The following PDXK variants were observed in gnomAD, a reference collection of about 807,000 sequenced individuals.
The protein encoded by PDXK is pyridoxal kinase, also known as epididymis secretory sperm binding protein Li 1a.
In PDXK, 15 loss-of-function variants were observed where a neutral mutation model predicts 43.2. The ratio of observed to expected loss-of-function variants is 0.35; its 90% CI spans 0.23 to 0.53. The LOEUF (loss-of-function observed/expected upper bound fraction) is 0.53. Ranked by LOEUF, PDXK falls within the 20% of genes least tolerant of loss-of-function variation. PDXK has a pLI of 0.92. For synonymous variants in PDXK, 172 were observed against 165.4 expected, an observed-to-expected ratio of 1.04 and a Z score of -0.31; for missense variants, 343 against 417.0, an observed-to-expected ratio of 0.82 and a Z score of 1.54.
intron 1 of PDXK, among the ~76,000 whole-genome samples, chr21:43,731,733 G>A (rs1332519526): frequency 6.6e-6 from 1 of 151,568 alleles, no homozygotes; most frequent in Non-Finnish European, 1.5e-5. Flanking sequence ...CTTGTGGGTG[G>A]GGAAAGATGA....
At chr21:43,722,621 G>T (rs185979437) in intron 1 of PDXK, among the ~76,000 whole-genome samples, 7 of 152,082 alleles carry the variant, frequency 4.6e-5, no homozygotes, top group Admixed American at 3.9e-4. Flanking sequence ...GCAGGGCCAT[G>T]CTCCCTCCAT....
chr21:43,744,703 C>T (rs558536519), intron 4 of PDXK: 1 of 152,360 alleles, frequency 6.6e-6, no homozygotes, highest in Non-Finnish European at 1.5e-5. Flanking sequence ...GTGGAAAACA[C>T]GTTGGTAGTT....
chr21:43,741,621 G>C, intron 2 of PDXK, 46 bp from the exon 3 acceptor site: 1 of 1,597,376 alleles, frequency 6.3e-7, no homozygotes, highest in Non-Finnish European at 8.6e-7. Flanking sequence ...CACGGCCCCA[G>C]CTGGCCCCCT....
At chr21:43,733,963 C>A in intron 1 of PDXK, 106 bp from the exon 2 acceptor site, 1 of 1,151,300 alleles carries the variant, frequency 8.7e-7, no homozygotes, top group Non-Finnish European at 1.3e-6. Context: ...GGCCCCGTGC[C>A]AGCCGGGACT....
At chr21:43,731,936 A>G (rs1206306217) in intron 1 of PDXK, among the ~76,000 whole-genome samples, 1 of 152,198 alleles carries the variant, frequency 6.6e-6, no homozygotes, top group African/African-American at 2.4e-5. Context: ...TAGAACCTGG[A>G]GCTGGGAAGG....
intron 2 of PDXK, among the ~76,000 whole-genome samples, chr21:43,736,635 T>G (rs1276353557): frequency 6.7e-6 from 1 of 148,810 alleles, no homozygotes; most frequent in Non-Finnish European, 1.5e-5. Flanking sequence ...TTCTGTTTTT[T>G]TTTTTTTTTT....
intron 7 of PDXK, among the ~76,000 whole-genome samples, chr21:43,752,226 C>T (rs1033402831): frequency 1.3e-5 from 2 of 152,256 alleles, no homozygotes; most frequent in Non-Finnish European, 2.9e-5. Context: ...CTCCTCCTCG[C>T]TGCAGGACAG....
At chr21:43,753,786 G>A in intron 9 of PDXK, 67 bp downstream of exon 9, 4 of 1,508,692 alleles carry the variant, frequency 2.7e-6, no homozygotes, top group Non-Finnish European at 3.6e-6. Context: ...CAGGATATGA[G>A]AGTCCTGGTG....
intron 5 of PDXK, among the ~76,000 whole-genome samples, chr21:43,746,943 G>A (rs1297620018): frequency 2.0e-5 from 3 of 152,012 alleles, no homozygotes; most frequent in African/African-American, 7.2e-5. Context: ...GACCAGCCTG[G>A]GCAACATGGC....
At chr21:43,745,971 TG>T in intron 4 of PDXK, 107 bp from the exon 5 acceptor site, 1 of 894,596 alleles carries the variant, frequency 1.1e-6, no homozygotes, top group Non-Finnish European at 1.9e-6. Flanking sequence ...CACTCCAGCC[TG>T]GACAACAGAG....
chr21:43,729,621 G>A (rs2083292539), intron 1 of PDXK, among the ~76,000 whole-genome samples: 1 of 152,124 alleles, frequency 6.6e-6, no homozygotes, highest in South Asian at 2.1e-4. Context: ...GGTGGGGAAT[G>A]CACATGAGGG....
At position 43,746,067 on chromosome 21, in the gene PDXK, G is replaced by C. The variant is rs1209428439; in HGVS notation, c.332-12G>C. ...TAGCCTTTGCTGATAAGATGCCCTTGTGTCTCTGCAGTGTGTGATCCAGTC... is the reference window on the plus strand; with the variant it reads ...TAGCCTTTGCTGATAAGATGCCCTTCTGTCTCTGCAGTGTGTGATCCAGTC... On this transcript the variant is annotated splice_polypyrimidine_tract_variant and intron_variant, in intron 4 of 10. Coordinates refer to ENST00000291565, the MANE Select transcript of PDXK (RefSeq NM_003681.5). The C allele has an allele frequency of 3.7e-6, 6 of 1,610,648 alleles. No homozygotes were observed. In the Admixed American group the frequency reaches 1.0e-4, roughly 27 times the overall value.
intron 6 of PDXK, among the ~76,000 whole-genome samples, chr21:43,749,577 G>A (rs1246266291): frequency 6.6e-6 from 1 of 152,274 alleles, no homozygotes; most frequent in East Asian, 1.9e-4. Flanking sequence ...GCAGGATGTG[G>A]TGGGGGCGCC....
chr21:43,740,184 A>G (rs1371087728), intron 2 of PDXK, among the ~76,000 whole-genome samples: 2 of 151,986 alleles, frequency 1.3e-5, no homozygotes. Flanking sequence ...CAGTCTCAGG[A>G]CCTTTGCGCC....
chr21:43,738,177 G>C lies in PDXK; in HGVS notation c.143-3490G>C, dbSNP rs1159195195. On this transcript the variant is annotated intron_variant, in intron 2 of 10. Coordinates refer to ENST00000291565, the MANE Select transcript of PDXK (RefSeq NM_003681.5). ...CTACAGAGGTCAGCAGGTTAAAAGA[G>C]GCCATCAGGGCTCTGGGTGGGCCCT... 8.2e-6 allele frequency: 3 copies of C among 366,762 alleles called. No homozygotes were observed. In the South Asian group the frequency reaches 3.3e-4, roughly 40 times the overall value. The allele number at this position is 366,762 out of a possible 1,614,324, so 22.7% of individuals were successfully genotyped here.
Position 43,732,202 on chromosome 21 carries a change from G to T in PDXK, c.88-1867G>T, listed in dbSNP as rs2083327610. ...TGGGAGGGAGCCACTGCTGTACAGA[G>T]ATGCCAATTCCAGAGGCATGGTCCG... is the stretch of plus-strand genomic sequence containing the variant. On this transcript the variant is annotated intron_variant, in intron 1 of 10. Coordinates refer to ENST00000291565, the MANE Select transcript of PDXK (RefSeq NM_003681.5). This position sits in a 1 kb window ranked among gnomAD's most constrained non-coding sequence, Gnocchi z 4.1. 1.1e-5 allele frequency: 16 copies of T among 1,436,668 alleles called. No individual in the cohort carries two copies. The highest frequency in any genetic ancestry group is 1.3e-5 in the Non-Finnish European group (14 of 1,100,874). 89.0% of individuals were successfully genotyped at this position (1,436,668 alleles called of 1,614,324 possible). A position where few individuals can be genotyped will look rare whatever the true frequency, so the allele number is the denominator to read the frequency against.
Position 43,737,303 on chromosome 21 carries a change from C to T in PDXK, c.142+3180C>T, listed in dbSNP as rs1182013016. 2 of 1,390,040 alleles carry T rather than the reference C, an allele frequency of 1.4e-6. No homozygotes were observed. The highest frequency in any genetic ancestry group is 1.9e-6 in the Non-Finnish European group (2 of 1,073,164). 86.1% of individuals were successfully genotyped at this position (1,390,040 alleles called of 1,614,324 possible). ...CGCAGGCCTCGCCGCCTCGAGGCTG[C>T]TGCTCGCACTTCTGCCCCTTCCCCC... is the stretch of plus-strand genomic sequence containing the variant. On this transcript the variant is annotated intron_variant, in intron 2 of 10. Transcript: ENST00000291565. The surrounding 1 kb of genome is among the most constrained non-coding windows in gnomAD (Gnocchi z 4.8).
intron 7 of PDXK, 72 bp downstream of exon 7, chr21:43,750,617 G>A: frequency 1.7e-6 from 2 of 1,210,286 alleles, no homozygotes; most frequent in Non-Finnish European, 2.4e-6. Context: ...CAGGCTGCCT[G>A]AGTGGCACCA....
intron 5 of PDXK, chr21:43,748,455 C>G (rs2083676333): frequency 6.5e-6 from 1 of 152,732 alleles, no homozygotes; most frequent in African/African-American, 2.4e-5. Context: ...CCATTGCACT[C>G]CAACCTGGGC....
Sources: gnomAD v4.1 joint callset for allele counts (sites outside exome capture counted in the v4.1 genomes callset) on GRCh38, gnomAD v4.1.1 for gene constraint, Gnocchi (gnomAD v3.1) non-coding constraint, MANE v1.5 for transcripts, NCBI Gene and HGNC (gene_info 2026-07-23, HGNC 2026-07-21) for gene names.